Variants in SLC9A9 observed in about 807,000 individuals in gnomAD.
The protein encoded by SLC9A9 is solute carrier family 9 member A9.
SLC9A9 carries 62 observed loss-of-function variants against 77.8 expected under a neutral mutation model. That is an observed-to-expected ratio of 0.80 (90% CI 0.65 to 0.98). The LOEUF is 0.98. Ranked by LOEUF, SLC9A9 falls within the 50% of genes least tolerant of loss-of-function variation. The pLI is 0.00. For missense variants in SLC9A9, 775 were observed against 774.9 expected (o/e 1.00, Z 0.00); for synonymous variants, 320 against 283.5 (o/e 1.13, Z -1.29).
At chr3:143,745,639 C>A (rs1248042336) in intron 4 of SLC9A9, among the ~76,000 whole-genome samples, 1 of 152,090 alleles carries the variant, frequency 6.6e-6, no homozygotes, top group Non-Finnish European at 1.5e-5. Context: ...TTTGGAAATT[C>A]TTTTCATCAA....
At chr3:143,616,016 G>GA (rs2038098873) in intron 6 of SLC9A9, among the ~76,000 whole-genome samples, 1 of 151,812 alleles carries the variant, frequency 6.6e-6, no homozygotes, top group African/African-American at 2.4e-5. Flanking sequence ...AAGTAGTTGG[G>GA]ACTACAGGCG....
chr3:143,376,931 G>A (rs2033192657), intron 13 of SLC9A9, among the ~76,000 whole-genome samples: 1 of 152,210 alleles, frequency 6.6e-6, no homozygotes, highest in Admixed American at 6.5e-5. Context: ...TCGTAGAAGT[G>A]TAGTGTGAAA....
chr3:143,485,578 TTAA>T (rs2035641501), intron 11 of SLC9A9, among the ~76,000 whole-genome samples: 1 of 151,730 alleles, frequency 6.6e-6, no homozygotes, highest in Non-Finnish European at 1.5e-5. Flanking sequence ...AACAACAAAA[TTAA>T]CAAGAATAAA....
chr3:143,699,528 G>A (rs549184697), intron 4 of SLC9A9, among the ~76,000 whole-genome samples: 1 of 152,308 alleles, frequency 6.6e-6, no homozygotes, highest in East Asian at 1.9e-4. Flanking sequence ...CAGGAAGAGT[G>A]CAGCAATTGT....
At chr3:143,545,713 C>A (rs1191817311) in intron 9 of SLC9A9, among the ~76,000 whole-genome samples, 7 of 152,180 alleles carry the variant, frequency 4.6e-5, no homozygotes. Flanking sequence ...GCATTCAGCC[C>A]TCAGTATGAA....
intron 4 of SLC9A9, among the ~76,000 whole-genome samples, chr3:143,719,264 A>G (rs908581581): frequency 2.0e-5 from 3 of 152,160 alleles, no homozygotes; most frequent in African/African-American, 7.2e-5. Flanking sequence ...AGCTTCCTCA[A>G]CACACCTCCA....
chr3:143,684,979 T>C (rs1933216220), intron 5 of SLC9A9, among the ~76,000 whole-genome samples: 1 of 152,142 alleles, frequency 6.6e-6, no homozygotes, highest in Non-Finnish European at 1.5e-5. Context: ...TATTTAATAC[T>C]CAATTTTAAA....
At chr3:143,471,115 C>T (rs6796681) in intron 11 of SLC9A9, among the ~76,000 whole-genome samples, 27,875 of 152,138 alleles carry the variant, frequency 0.18, 4,173 homozygotes, top group African/African-American at 0.41. Flanking sequence ...ACAGGGTGTT[C>T]TTAGAGATGG....
intron 4 of SLC9A9, among the ~76,000 whole-genome samples, chr3:143,693,783 A>G (rs954092675): frequency 1.3e-5 from 2 of 152,150 alleles, no homozygotes; most frequent in African/African-American, 2.4e-5. Context: ...GTCACTTTAT[A>G]ATAGATGAGT....
chr3:143,719,413 A>G (rs1249474795), intron 4 of SLC9A9, among the ~76,000 whole-genome samples: 1 of 152,218 alleles, frequency 6.6e-6, no homozygotes, highest in Non-Finnish European at 1.5e-5. Context: ...TCTTTAATAA[A>G]AATCCATGAT....
intron 4 of SLC9A9, among the ~76,000 whole-genome samples, chr3:143,707,136 G>T (rs9828519): frequency 6.6e-6 from 1 of 151,968 alleles, no homozygotes; most frequent in Non-Finnish European, 1.5e-5. Context: ...CGCTCAAACA[G>T]CTACAACCCC....
intron 6 of SLC9A9, 98 bp downstream of exon 6, chr3:143,652,157 C>G: frequency 1.0e-6 from 1 of 981,540 alleles, no homozygotes. Flanking sequence ...TTGAAAAAAG[C>G]TAGAGACTGC....
intron 6 of SLC9A9, among the ~76,000 whole-genome samples, chr3:143,592,844 C>G (rs963429547): frequency 1.3e-5 from 2 of 152,142 alleles, no homozygotes; most frequent in Admixed American, 6.5e-5. Context: ...AGCTCCCAGG[C>G]CTTGGTTAAG....
At position 143,495,525 on chromosome 3, in the gene SLC9A9, T is replaced by C. The variant is rs191924710; in HGVS notation, c.1090-77A>G. On this transcript the variant is annotated intron_variant, in intron 9 of 15. Coordinates refer to ENST00000316549, the MANE Select transcript of SLC9A9 (RefSeq NM_173653.4). The stretch of plus-strand genomic sequence containing the variant: ...GCACTTACTTTCTGGTAACTGTATT[T>C]GACAACTGACTGGGTCTCCTTTATC... 8 of 1,076,910 alleles carry C rather than the reference T, an allele frequency of 7.4e-6. No homozygotes were observed. In the African/African-American group the frequency reaches 1.1e-4, roughly 15 times the overall value. The allele number at this position is 1,076,910 out of a possible 1,614,324, so 66.7% of individuals were successfully genotyped here. A position where few individuals can be genotyped will look rare whatever the true frequency, so the allele number is the denominator to read the frequency against.
intron 9 of SLC9A9, among the ~76,000 whole-genome samples, chr3:143,546,895 A>G (rs759107099): frequency 2.7e-4 from 41 of 152,178 alleles, no homozygotes; most frequent in Non-Finnish European, 5.3e-4. Flanking sequence ...CCGTTGAAGG[A>G]CTTGTTGATA....
At chr3:143,303,373 CTTTT>C (rs112101322) in intron 14 of SLC9A9, among the ~76,000 whole-genome samples, 1,634 of 142,674 alleles carry the variant, frequency 0.011, 18 homozygotes, top group Middle Eastern at 0.058. Context: ...TTTTTCTTTT[CTTTT>C]TTTTTTTTTG....
At chr3:143,659,236 A>G (rs1235877145) in intron 5 of SLC9A9, among the ~76,000 whole-genome samples, 2 of 152,216 alleles carry the variant, frequency 1.3e-5, no homozygotes, top group Non-Finnish European at 2.9e-5. Context: ...AAAAAGCAGC[A>G]GCCATAGTTA....
At chr3:143,377,870 C>T (rs2033216675) in intron 13 of SLC9A9, among the ~76,000 whole-genome samples, 1 of 152,208 alleles carries the variant, frequency 6.6e-6, no homozygotes, top group Non-Finnish European at 1.5e-5. Context: ...TCCATCCGCT[C>T]CCACCTTGCT....
At chr3:143,770,077 T>C (rs927270418) in intron 4 of SLC9A9, among the ~76,000 whole-genome samples, 3 of 152,172 alleles carry the variant, frequency 2.0e-5, no homozygotes, top group Non-Finnish European at 2.9e-5. Flanking sequence ...ATTTCTTGAA[T>C]AGGAGGACTC....
Sources: allele counts gnomAD v4.1 joint callset (sites outside exome capture counted in the v4.1 genomes callset), GRCh38; gene constraint gnomAD v4.1.1; transcripts MANE v1.5; gene names NCBI Gene and HGNC (gene_info 2026-07-23, HGNC 2026-07-21).